Variants in YWHAE observed in about 807,000 individuals in gnomAD.
YWHAE encodes 14-3-3 protein epsilon.
In YWHAE, 4 loss-of-function variants were observed where a neutral mutation model predicts 30.1. That is an observed-to-expected ratio of 0.13 (90% CI 0.07 to 0.30). YWHAE has a LOEUF of 0.30. Ranked by LOEUF, YWHAE falls within the 10% of genes least tolerant of loss-of-function variation. The pLI, the probability that YWHAE is intolerant of heterozygous loss-of-function variation, is 1.00. For missense variants in YWHAE, 121 were observed against 315.9 expected (o/e 0.38, Z 4.68); for synonymous variants, 118 against 111.8 (o/e 1.06, Z -0.35).
At position 1,347,264 on chromosome 17, in the gene YWHAE, C is replaced by T. The variant is rs924785154; in HGVS notation, c.716-1765G>A. 1.8e-4 allele frequency among the ~76,000 whole-genome samples: 27 copies of T among 150,852 alleles called. 1 individual carries two copies. The highest frequency in any genetic ancestry group is 7.4e-5 in the Non-Finnish European group (5 of 67,872). ...AGGAGAATGGCGTGAACCCAGGAGG[C>T]GGAGCTTTCAGTGAGCCAAGATTCT... On this transcript the variant is annotated intron_variant, in intron 5 of 5. Coordinates refer to ENST00000264335, the MANE Select transcript of YWHAE (RefSeq NM_006761.5).
At chr17:1,397,489 T>C (rs373810275) in intron 1 of YWHAE, among the ~76,000 whole-genome samples, 1 of 152,096 alleles carries the variant, frequency 6.6e-6, no homozygotes, top group Non-Finnish European at 1.5e-5. Context: ...CAGGATAGAA[T>C]TAAATGAGGA....
chr17:1,345,174 G>C lies in YWHAE; in HGVS notation c.*273C>G, dbSNP rs2072494655. The stretch of plus-strand genomic sequence containing the variant: ...CCACATCTGGCACGGAGACGACACA[G>C]TAATGCTGAAAAAGCCTCTATGTAG... On this transcript the variant is annotated 3_prime_UTR_variant, in exon 6 of 6. Coordinates refer to ENST00000264335, the MANE Select transcript of YWHAE (RefSeq NM_006761.5). The C allele has an allele frequency of 4.2e-6, 2 of 480,662 alleles. No homozygotes were observed. The highest frequency in any genetic ancestry group is 7.4e-6 in the Non-Finnish European group (2 of 271,590). The allele number at this position is 480,662 out of a possible 1,614,324, so 29.8% of individuals were successfully genotyped here. A position where few individuals can be genotyped will look rare whatever the true frequency, so the allele number is the denominator to read the frequency against.
intron 1 of YWHAE, among the ~76,000 whole-genome samples, chr17:1,397,053 C>G (rs2073483913): frequency 6.6e-6 from 1 of 151,882 alleles, no homozygotes; most frequent in Admixed American, 6.6e-5. Context: ...TCCTCAGTAG[C>G]TATGCCCGGA....
At chr17:1,351,340 T>A (rs1030068669) in intron 5 of YWHAE, among the ~76,000 whole-genome samples, 1 of 150,854 alleles carries the variant, frequency 6.6e-6, no homozygotes, top group African/African-American at 2.4e-5. Flanking sequence ...AGAGCACCAC[T>A]GCACTCCAGC....
At chr17:1,371,103 G>C (rs994953380) in intron 1 of YWHAE, among the ~76,000 whole-genome samples, 3 of 151,784 alleles carry the variant, frequency 2.0e-5, no homozygotes, top group African/African-American at 7.3e-5. Flanking sequence ...TGTGTGTTTT[G>C]AAACAGAGTC....
At chr17:1,399,941 G>A (rs1598279752) in intron 1 of YWHAE, 106 bp downstream of exon 1, 5 of 1,416,458 alleles carry the variant, frequency 3.5e-6, no homozygotes, top group Non-Finnish European at 3.0e-6. Flanking sequence ...CAAGCCCCCG[G>A]GCCAGGCTCG....
At chr17:1,366,683 C>G (rs2072948690) in intron 1 of YWHAE, among the ~76,000 whole-genome samples, 1 of 151,346 alleles carries the variant, frequency 6.6e-6, no homozygotes, top group African/African-American at 2.4e-5. Context: ...TGGATCACAC[C>G]TGTAATCTCA....
chr17:1,386,748 G>C (rs1021514959), intron 1 of YWHAE, among the ~76,000 whole-genome samples: 3 of 152,128 alleles, frequency 2.0e-5, no homozygotes, highest in African/African-American at 7.2e-5. Context: ...CCAGAAGTTT[G>C]AGACCAGCCT....
At chr17:1,350,769 A>T (rs2072616842) in intron 5 of YWHAE, among the ~76,000 whole-genome samples, 3 of 127,166 alleles carry the variant, frequency 2.4e-5, no homozygotes, top group African/African-American at 1.3e-4. Flanking sequence ...AATAATAATA[A>T]AAAAAAATGG....
intron 5 of YWHAE, among the ~76,000 whole-genome samples, chr17:1,346,412 C>T (rs951770903): frequency 2.6e-5 from 4 of 152,016 alleles, no homozygotes; most frequent in Non-Finnish European, 4.4e-5. Context: ...AAAAATCAAC[C>T]CAAGAATCAT....
intron 5 of YWHAE, among the ~76,000 whole-genome samples, chr17:1,351,816 C>T (rs959664141): frequency 1.3e-5 from 2 of 152,050 alleles, no homozygotes; most frequent in East Asian, 1.9e-4. Flanking sequence ...TATGAAGCCT[C>T]GCTCTGCCAC....
chr17:1,388,574 CTTTT>C (rs61089437), intron 1 of YWHAE, among the ~76,000 whole-genome samples: 6 of 135,634 alleles, frequency 4.4e-5, no homozygotes, highest in African/African-American at 8.0e-5. Context: ...CATGCCCAGC[CTTTT>C]TTTTTTTTTT....
At position 1,356,171 on chromosome 17, in the gene YWHAE, A is replaced by AACACACACACACACACACACAC. The variant is rs71148473; in HGVS notation, c.579-1846_579-1825dup. On this transcript the variant is annotated intron_variant, in intron 4 of 5. Coordinates refer to ENST00000264335, the MANE Select transcript of YWHAE (RefSeq NM_006761.5). ...GCAACAGAGCAAGACTCCGTCTAAA[A>AACACACACACACACACACACAC]ACACACACACACACACACACACACA... 5.6e-5 allele frequency among the ~76,000 whole-genome samples: 8 copies of AACACACACACACACACACACAC among 142,974 alleles called. 1 individual carries two copies. Among genetic ancestry groups the AACACACACACACACACACACAC allele is most frequent in the Non-Finnish European group, 1.2e-4 (8 of 65,578 alleles). The allele number at this position is 142,974 out of a possible 152,430, so 93.8% of individuals were successfully genotyped here.
chr17:1,373,114 G>A (rs1261925653), intron 1 of YWHAE, among the ~76,000 whole-genome samples: 4 of 152,004 alleles, frequency 2.6e-5, no homozygotes, highest in Non-Finnish European at 5.9e-5. Context: ...ATGGGGGCGC[G>A]TGCCTGTAAT....
At chr17:1,378,436 A>G (rs1377614266) in intron 1 of YWHAE, among the ~76,000 whole-genome samples, 3 of 152,232 alleles carry the variant, frequency 2.0e-5, no homozygotes, top group Admixed American at 6.5e-5. Context: ...ACTGATTTCT[A>G]AAAGGTCCCA....
chr17:1,375,435 A>G (rs990207166), intron 1 of YWHAE, among the ~76,000 whole-genome samples: 2 of 152,142 alleles, frequency 1.3e-5, no homozygotes, highest in Admixed American at 6.6e-5. Context: ...GGATGTGGGC[A>G]TTTCACGGGT....
intron 2 of YWHAE, among the ~76,000 whole-genome samples, chr17:1,363,900 G>C (rs1385088102): frequency 6.6e-6 from 1 of 151,424 alleles, no homozygotes; most frequent in Admixed American, 6.6e-5. Flanking sequence ...CCGACAGTTT[G>C]TTGTGGGGCC....
At chr17:1,381,933 A>AAAAAAAAG (rs1491485583) in intron 1 of YWHAE, among the ~76,000 whole-genome samples, 4 of 144,176 alleles carry the variant, frequency 2.8e-5, no homozygotes, top group East Asian at 2.1e-4. Flanking sequence ...AAAAAAAAAA[A>AAAAAAAAG]GACAGGCAGA....
intron 1 of YWHAE, among the ~76,000 whole-genome samples, chr17:1,374,041 G>C (rs759933982): frequency 2.0e-5 from 3 of 152,142 alleles, no homozygotes; most frequent in Non-Finnish European, 4.4e-5. Flanking sequence ...CATTAGGCCA[G>C]GTGCGGTGGC....
Sources: allele counts gnomAD v4.1 joint callset (sites outside exome capture counted in the v4.1 genomes callset), GRCh38; gene constraint gnomAD v4.1.1; transcripts MANE v1.5; gene names NCBI Gene and HGNC (gene_info 2026-07-23, HGNC 2026-07-21).